Variants in ZSCAN2 observed in about 807,000 individuals in gnomAD.
ZSCAN2 encodes zinc finger and SCAN domain containing 2, also known as zinc finger and SCAN domain-containing protein 2.
A neutral mutation model predicts 47.8 loss-of-function variants in ZSCAN2; 26 were observed. The observed-to-expected ratio is 0.54, with a 90% CI of 0.40 to 0.75. ZSCAN2 has a LOEUF of 0.75. Ranked by LOEUF, ZSCAN2 falls within the 30% of genes least tolerant of loss-of-function variation. The pLI, the probability that ZSCAN2 is intolerant of heterozygous loss-of-function variation, is 0.00. For missense variants in ZSCAN2, 732 were observed against 785.4 expected, an observed-to-expected ratio of 0.93 and a Z score of 0.81; for synonymous variants, 305 against 288.7, an observed-to-expected ratio of 1.06 and a Z score of -0.57.
intron 2 of ZSCAN2, chr15:84,606,509 C>A: frequency 6.3e-7 from 1 of 1,582,122 alleles, no homozygotes; most frequent in Non-Finnish European, 8.7e-7. Context: ...AATAAGCAAA[C>A]CTGTCTCCCT....
Position 84,623,008 on chromosome 15 carries a change from G to T in ZSCAN2, c.*968G>T, listed in dbSNP as rs764578032. 30 of 296,512 alleles carry T rather than the reference G, an allele frequency of 1.0e-4. No homozygotes were observed. The highest frequency in any genetic ancestry group is 1.8e-4 in the Non-Finnish European group (28 of 153,286). 18.4% of individuals were successfully genotyped at this position (296,512 alleles called of 1,614,324 possible). A position where few individuals can be genotyped will look rare whatever the true frequency, so the allele number is the denominator to read the frequency against. ...AATTTCTGAATTATTCTATGCACTT[G>T]TTTCCCTCTTCTTTTATTTTTTATT... is the stretch of plus-strand genomic sequence containing the variant. On this transcript the variant is annotated 3_prime_UTR_variant, in exon 3 of 3. Coordinates refer to ENST00000546148, the MANE Select transcript of ZSCAN2 (RefSeq NM_181877.4).
chr15:84,613,765 C>T (rs1370321851), intron 2 of ZSCAN2, among the ~76,000 whole-genome samples: 1 of 151,298 alleles, frequency 6.6e-6, no homozygotes, highest in Non-Finnish European at 1.5e-5. Flanking sequence ...ACCTCCACCT[C>T]CTGGGTTCAA....
intron 1 of ZSCAN2, among the ~76,000 whole-genome samples, chr15:84,603,312 T>TA (rs1895267584): frequency 1.3e-5 from 2 of 152,288 alleles, no homozygotes; most frequent in Non-Finnish European, 2.9e-5. Flanking sequence ...GCATTTCTGA[T>TA]ACTCATTCTT....
chr15:84,618,610 G>A (rs1047108634), intron 2 of ZSCAN2, among the ~76,000 whole-genome samples: 13 of 150,742 alleles, frequency 8.6e-5, no homozygotes, highest in African/African-American at 2.2e-4. Context: ...TGCCCAGGCC[G>A]GAGTGCAGTG....
chr15:84,617,646 T>G (rs942371012), intron 2 of ZSCAN2, among the ~76,000 whole-genome samples: 3 of 150,812 alleles, frequency 2.0e-5, no homozygotes, highest in Non-Finnish European at 4.4e-5. Flanking sequence ...ACTTTAAAGG[T>G]GATCTTATGG....
intron 2 of ZSCAN2, among the ~76,000 whole-genome samples, chr15:84,619,795 G>A (rs1435132225): frequency 6.6e-6 from 1 of 152,030 alleles, no homozygotes; most frequent in Non-Finnish European, 1.5e-5. Context: ...ATTCCCACCT[G>A]ACCTCATTTT....
chr15:84,616,463 C>T, intron 2 of ZSCAN2: 1 of 1,508,588 alleles, frequency 6.6e-7, no homozygotes, highest in South Asian at 1.4e-5. Flanking sequence ...TGTTCCCTCC[C>T]ACCCCAGGGC....
chr15:84,604,288 G>A lies in ZSCAN2; in HGVS notation c.361G>A (p.Ala121Thr), dbSNP rs1895307948. 2 of 1,613,928 alleles carry A rather than the reference G, an allele frequency of 1.2e-6. No individual in the cohort carries two copies. ...QEHRPESSEE[A>T]AALVEDLTQT... ...GCATCGGCCTGAAAGCAGTGAGGAG[G>A]CAGCGGCCCTGGTGGAAGACTTGAC... The change falls in exon 2 of 3, where the codon GCA becomes ACA. Residue 121 changes from alanine to threonine, a missense_variant. Physicochemically the swap from Ala to Thr is moderately conservative, Grantham distance 58. Around this residue, in one of 2 missense-constraint regions of ZSCAN2, gnomAD observed 320 missense variants for 287.4 expected, o/e 1.11. Coordinates refer to ENST00000546148, the MANE Select transcript of ZSCAN2 (RefSeq NM_181877.4).
chr15:84,613,352 G>C (rs766006791), intron 2 of ZSCAN2, among the ~76,000 whole-genome samples: 1 of 151,970 alleles, frequency 6.6e-6, no homozygotes, highest in Admixed American at 6.6e-5. Flanking sequence ...ACGGAGTCTC[G>C]CTCTGTTGCC....
rs765616424 is a variant in ZSCAN2, at chr15:84,622,020, A to G, written c.1825A>G (p.Met609Val). The change falls in exon 3 of 3, where the codon ATG (methionine) becomes GTG (valine). Residue 609 changes from methionine (M) to valine (V), a missense_variant. By Grantham distance (21) the Met-to-Val change is conservative (BLOSUM62 1). This residue lies in a region of ZSCAN2 where 412 missense variants were observed against 498.0 expected (regional missense o/e 0.83). Coordinates refer to ENST00000546148, the MANE Select transcript of ZSCAN2 (RefSeq NM_181877.4). ...SNFITHQRTHMKEKLY is the reference protein window; with the variant it reads ...SNFITHQRTHVKEKLY ...CTTTATCACACATCAGAGAACTCAC[A>G]TGAAAGAGAAACTTTATTGAAGTGG... 32 of 1,604,832 alleles carry G rather than the reference A, an allele frequency of 2.0e-5. No individual in the cohort carries two copies. The highest frequency in any genetic ancestry group is 1.7e-4 in the Middle Eastern group (1 of 6,032).
intron 2 of ZSCAN2, among the ~76,000 whole-genome samples, chr15:84,609,130 C>G (rs1953237449): frequency 6.6e-6 from 1 of 152,158 alleles, no homozygotes; most frequent in East Asian, 1.9e-4. Flanking sequence ...AAAATGCTCC[C>G]TTAATGACCA....
rs1435499136 is a variant in ZSCAN2 at position 84,620,769 on chromosome 15, C to A, written c.574C>A (p.Pro192Thr). The A allele has an allele frequency of 6.2e-7, 1 of 1,614,160 alleles. No individual in the cohort carries two copies. Reference sequence around the variant, plus strand: ...CATCCAGAGGCTCCAGGGACACAGCCCAGGTGAGGACCACGGGGAGGTGGT... The same window carrying A: ...CATCCAGAGGCTCCAGGGACACAGCACAGGTGAGGACCACGGGGAGGTGGT... ...AGIQRLQGHS[P>T]GEDHGEVVSQ... Residue 192 changes from proline to threonine, a missense_variant, in exon 3 of 3, where the codon CCA (proline) becomes ACA (threonine). By Grantham distance (38) the Pro-to-Thr change is conservative (BLOSUM62 -1). Coordinates refer to ENST00000546148, the MANE Select transcript of ZSCAN2 (RefSeq NM_181877.4).
At chr15:84,602,435 C>G (rs1657857149) in intron 1 of ZSCAN2, among the ~76,000 whole-genome samples, 1 of 152,022 alleles carries the variant, frequency 6.6e-6, no homozygotes, top group South Asian at 2.1e-4. Flanking sequence ...TCTTAAATTT[C>G]ATATGTTTGC....
chr15:84,621,199 C>T lies in ZSCAN2; in HGVS notation c.1004C>T (p.Ser335Leu), dbSNP rs772783524. ...QRTHTGEKPY[S>L]CPECGKSFGN... Reference sequence around the variant, plus strand: ...ACCCACACAGGAGAGAAACCCTACTCGTGCCCCGAGTGTGGAAAGAGCTTT... The same window carrying T: ...ACCCACACAGGAGAGAAACCCTACTTGTGCCCCGAGTGTGGAAAGAGCTTT... The change falls in exon 3 of 3, where the codon TCG becomes TTG. Residue 335 changes from serine (S) to leucine (L), a missense_variant. Physicochemically the swap from Ser to Leu is moderately radical, Grantham distance 145 (BLOSUM62 -2). Around this residue, in one of 2 missense-constraint regions of ZSCAN2, gnomAD observed 412 missense variants for 498.0 expected, o/e 0.83. Transcript: ENST00000546148. This position sits in a 1 kb window ranked among gnomAD's most constrained non-coding sequence, Gnocchi z 5.7. The T allele has an allele frequency of 1.2e-5, 19 of 1,611,762 alleles. No homozygotes were observed. Among genetic ancestry groups the T allele is most frequent in the Non-Finnish European group, 1.4e-5 (16 of 1,179,404 alleles).
chr15:84,621,620 G>C lies in ZSCAN2; in HGVS notation c.1425G>C (p.Glu475Asp). 1 of 1,613,706 alleles carries C rather than the reference G, an allele frequency of 6.2e-7. No individual in the cohort carries two copies. The highest frequency in any genetic ancestry group is 8.5e-7 in the Non-Finnish European group (1 of 1,179,926). The change falls in exon 3 of 3, where the codon GAG becomes GAC. Residue 475 changes from glutamate (E) to aspartate (D), a missense_variant. By Grantham distance (45) the Glu-to-Asp change is conservative (BLOSUM62 2). Coordinates refer to ENST00000546148, the MANE Select transcript of ZSCAN2 (RefSeq NM_181877.4). This position sits in a 1 kb window ranked among gnomAD's most constrained non-coding sequence, Gnocchi z 5.7. ...TGCACACAGGGGAGAAACCCTACGA[G>C]TGCCTGACATGTGGGGAGAGCTTCA... ...QGMHTGEKPY[E>D]CLTCGESFSW...
intron 1 of ZSCAN2, chr15:84,602,101 G>A (rs1303124267): frequency 6.6e-6 from 1 of 151,946 alleles, no homozygotes; most frequent in Non-Finnish European, 1.5e-5. Context: ...TTACGGGCAT[G>A]CGCCACCACG....
intron 1 of ZSCAN2, among the ~76,000 whole-genome samples, chr15:84,602,621 C>A (rs1279997189): frequency 1.5e-5 from 2 of 130,000 alleles, no homozygotes; most frequent in Non-Finnish European, 3.1e-5. Context: ...CAGAGTCTGG[C>A]TCTTTCGCCC....
intron 2 of ZSCAN2, among the ~76,000 whole-genome samples, chr15:84,619,347 G>A (rs886209078): frequency 3.3e-5 from 5 of 151,944 alleles, no homozygotes; most frequent in East Asian, 3.9e-4. Context: ...AGAGAATGGC[G>A]TGAACTGGGG....
intron 2 of ZSCAN2, among the ~76,000 whole-genome samples, chr15:84,606,032 G>T (rs571913655): frequency 6.6e-6 from 1 of 152,350 alleles, no homozygotes; most frequent in South Asian, 2.1e-4. Context: ...GTTGTCATAT[G>T]TATGATTCTA....
Sources: allele counts gnomAD v4.1 joint callset (sites outside exome capture counted in the v4.1 genomes callset), GRCh38; gene constraint gnomAD v4.1.1; regional missense constraint gnomAD v4.1.1; non-coding constraint Gnocchi (gnomAD v3.1); transcripts MANE v1.5; gene names NCBI Gene and HGNC (gene_info 2026-07-23, HGNC 2026-07-21).